RAB3IP: variants seen among roughly 807,000 people sequenced by gnomAD.
RAB3IP encodes RAB3A interacting protein, also known as rab-3A-interacting protein.
In RAB3IP, 36 loss-of-function variants were observed where a neutral mutation model predicts 59.1. That is an observed-to-expected ratio of 0.61 (90% CI 0.47 to 0.80). RAB3IP has a LOEUF of 0.80. RAB3IP is among the 30% of genes least tolerant of loss of function. The pLI is 0.00. For synonymous variants in RAB3IP, 207 were observed against 191.2 expected, an observed-to-expected ratio of 1.08 and a Z score of -0.68; for missense variants, 511 against 536.0, an observed-to-expected ratio of 0.95 and a Z score of 0.46.
At chr12:69,741,890 C>T (rs879501414) in intron 1 of RAB3IP, among the ~76,000 whole-genome samples, 9 of 152,112 alleles carry the variant, frequency 5.9e-5, no homozygotes, top group Non-Finnish European at 2.9e-5. Flanking sequence ...TGTAATTTAG[C>T]TTTTATGAGA....
At position 69,818,522 on chromosome 12, in the gene RAB3IP, A is replaced by G. The variant is rs1881376196; in HGVS notation, c.*3076A>G. ...GTATATACTTGAGAAATGCTTGCAC[A>G]GGTCCCCCAGATCACACATATAAGA... On this transcript the variant is annotated 3_prime_UTR_variant, in exon 11 of 11. Transcript: ENST00000247833. 1 of 152,128 alleles carries G rather than the reference A, an allele frequency of 6.6e-6. No homozygotes were observed. The highest frequency in any genetic ancestry group is 6.6e-5 in the Admixed American group (1 of 15,266). The allele number at this position is 152,128 out of a possible 1,614,324, so 9.4% of individuals were successfully genotyped here. A position where few individuals can be genotyped will look rare whatever the true frequency, so the allele number is the denominator to read the frequency against.
Position 69,820,869 on chromosome 12 carries a change from A to C in RAB3IP, c.*5423A>C, listed in dbSNP as rs930222919. 1 of 151,732 alleles carries C rather than the reference A, an allele frequency of 6.6e-6. No homozygotes were observed. Among genetic ancestry groups the C allele is most frequent in the East Asian group, 1.9e-4 (1 of 5,164 alleles). 9.4% of individuals were successfully genotyped at this position (151,732 alleles called of 1,614,324 possible). A position where few individuals can be genotyped will look rare whatever the true frequency, so the allele number is the denominator to read the frequency against. On this transcript the variant is annotated 3_prime_UTR_variant, in exon 11 of 11. Coordinates refer to ENST00000247833, the MANE Select transcript of RAB3IP (RefSeq NM_022456.5). ...GTGAAACTCCGTCTGAAAAAAAAAAAAAAAAACCCAAACTCAATAGAAAAT... is the reference window on the plus strand; with the variant it reads ...GTGAAACTCCGTCTGAAAAAAAAAACAAAAAACCCAAACTCAATAGAAAAT...
intron 8 of RAB3IP, among the ~76,000 whole-genome samples, chr12:69,807,029 T>TC (rs1222243659): frequency 6.6e-6 from 1 of 151,854 alleles, no homozygotes; most frequent in Non-Finnish European, 1.5e-5. Context: ...TCCCCACATT[T>TC]CCCCCTTTTC....
intron 3 of RAB3IP, among the ~76,000 whole-genome samples, chr12:69,782,213 G>A (rs1874845783): frequency 6.6e-6 from 1 of 152,196 alleles, no homozygotes; most frequent in African/African-American, 2.4e-5. Flanking sequence ...CGCCCAGGCT[G>A]GAGTGCAGTG....
Position 69,816,694 on chromosome 12 carries a change from T to C in RAB3IP, c.*1248T>C, listed in dbSNP as rs1021453545. ...CTGGAGATAAAATTGTGTCGAGATA[T>C]ATATGTATTTTTAAATGTTTGATCT... On this transcript the variant is annotated 3_prime_UTR_variant, in exon 11 of 11. Transcript: ENST00000247833. 6.6e-6 allele frequency: 1 copy of C among 152,182 alleles called. No individual in the cohort carries two copies. The highest frequency in any genetic ancestry group is 1.5e-5 in the Non-Finnish European group (1 of 68,022). The allele number at this position is 152,182 out of a possible 1,614,324, so 9.4% of individuals were successfully genotyped here. A position where few individuals can be genotyped will look rare whatever the true frequency, so the allele number is the denominator to read the frequency against.
At position 69,812,787 on chromosome 12, in the gene RAB3IP, T is replaced by G; in HGVS notation, c.1140T>G (p.Ala380=). 1 of 1,600,474 alleles carries G rather than the reference T, an allele frequency of 6.2e-7. No homozygotes were observed. Among genetic ancestry groups the G allele is most frequent in the Non-Finnish European group, 8.5e-7 (1 of 1,173,800 alleles). Residue 380 remains alanine, a synonymous_variant, in exon 9 of 11, where the codon GCT becomes GCG. Transcript: ENST00000247833. ...TATCATTATTTCACAGAAAATGTGC[T>G]CTCACTGGCCAGAGTAAGTCCTGTA... ...AVECGGPKKC[A]LTGQSKSCKH... is the part of the protein sequence containing the mutation.
intron 1 of RAB3IP, among the ~76,000 whole-genome samples, chr12:69,745,109 A>T (rs1471780204): frequency 6.6e-6 from 1 of 152,230 alleles, no homozygotes; most frequent in Non-Finnish European, 1.5e-5. Context: ...TAGCCCAGTA[A>T]CTATCAACAG....
chr12:69,802,647 A>T (rs1228174268), intron 8 of RAB3IP, among the ~76,000 whole-genome samples: 1 of 152,246 alleles, frequency 6.6e-6, no homozygotes, highest in Non-Finnish European at 1.5e-5. Context: ...GAGAGCTCAT[A>T]GAAAGCATAA....
At chr12:69,757,546 C>CAT in intron 3 of RAB3IP, among the ~76,000 whole-genome samples, 1 of 152,248 alleles carries the variant, frequency 6.6e-6, no homozygotes, top group African/African-American at 2.4e-5. Flanking sequence ...TGAAAAACTG[C>CAT]ATATATAAAC....
intron 4 of RAB3IP, among the ~76,000 whole-genome samples, chr12:69,792,918 T>C (rs1876869423): frequency 6.6e-6 from 1 of 152,236 alleles, no homozygotes; most frequent in Non-Finnish European, 1.5e-5. Context: ...CCACTATTAA[T>C]GAAAACAGAG....
At chr12:69,809,884 T>G (rs1880130196) in intron 8 of RAB3IP, among the ~76,000 whole-genome samples, 1 of 152,208 alleles carries the variant, frequency 6.6e-6, no homozygotes, top group Non-Finnish European at 1.5e-5. Context: ...TTCTGAAGCC[T>G]TTCTCTCTCA....
chr12:69,798,141 C>T (rs560467801), intron 6 of RAB3IP, among the ~76,000 whole-genome samples: 2 of 152,254 alleles, frequency 1.3e-5, no homozygotes, highest in East Asian at 3.9e-4. Flanking sequence ...GTCCCACCAA[C>T]AGTGTAAAAG....
chr12:69,784,895 A>G (rs552804587), intron 4 of RAB3IP, 80 bp downstream of exon 4: 9 of 794,944 alleles, frequency 1.1e-5, no homozygotes, highest in Admixed American at 4.2e-5. Flanking sequence ...GGGAATCTTG[A>G]AAAATATTTG....
intron 5 of RAB3IP, 66 bp downstream of exon 5, chr12:69,794,580 C>T: frequency 7.9e-7 from 1 of 1,260,442 alleles, no homozygotes. Flanking sequence ...GATACCTTAA[C>T]ATCTGTTGGA....
chr12:69,794,250 G>A (rs914789992), intron 4 of RAB3IP, among the ~76,000 whole-genome samples, 187 bp from the exon 5 acceptor site: 2 of 152,092 alleles, frequency 1.3e-5, no homozygotes, highest in Non-Finnish European at 2.9e-5. Context: ...CTAAAAGAAG[G>A]CACCTATTCC....
rs375613864 is a variant in RAB3IP at position 69,807,944 on chromosome 12, T to A, written c.1131-4834T>A. Among the ~76,000 whole-genome samples, 44 of 150,618 alleles carry A rather than the reference T, an allele frequency of 2.9e-4. No homozygotes were observed. In the South Asian group the frequency reaches 9.1e-3, roughly 31 times the overall value. On this transcript the variant is annotated intron_variant, in intron 8 of 10. Coordinates refer to ENST00000247833, the MANE Select transcript of RAB3IP (RefSeq NM_022456.5). ...AGGCGCTCCTCACCTCCCAGACGGGTTGGCCAGGCAGATCTCTAGTTCTTT... is the reference window on the plus strand; with the variant it reads ...AGGCGCTCCTCACCTCCCAGACGGGATGGCCAGGCAGATCTCTAGTTCTTT...
intron 3 of RAB3IP, among the ~76,000 whole-genome samples, chr12:69,783,356 T>A (rs1875070209): frequency 6.6e-6 from 1 of 152,218 alleles, no homozygotes; most frequent in Non-Finnish European, 1.5e-5. Context: ...ACTTATTTTC[T>A]CTCTCTAGTA....
intron 3 of RAB3IP, among the ~76,000 whole-genome samples, chr12:69,782,324 G>A (rs1000283187): frequency 3.9e-5 from 6 of 152,114 alleles, no homozygotes; most frequent in Non-Finnish European, 8.8e-5. Flanking sequence ...GCCACCATGC[G>A]TGGCTAATTT....
intron 3 of RAB3IP, among the ~76,000 whole-genome samples, chr12:69,782,000 A>G (rs1874800035): frequency 6.6e-6 from 1 of 152,226 alleles, no homozygotes; most frequent in Non-Finnish European, 1.5e-5. Context: ...GCAATAAATT[A>G]GAGTTCCTAT....
Sources: gnomAD v4.1 joint callset for allele counts (sites outside exome capture counted in the v4.1 genomes callset) on GRCh38, gnomAD v4.1.1 for gene constraint, MANE v1.5 for transcripts, NCBI Gene and HGNC (gene_info 2026-07-23, HGNC 2026-07-21) for gene names.